KDM2A: variants seen among roughly 807,000 people sequenced by gnomAD.
The protein encoded by KDM2A is lysine demethylase 2A.
In KDM2A, 3 loss-of-function variants were observed where a neutral mutation model predicts 137.3. The observed-to-expected ratio is 0.02, with a 90% CI of 0.01 to 0.06. KDM2A has a LOEUF of 0.06. Among genes scored for constraint, KDM2A ranks in the 10% least tolerant of loss-of-function variants. The pLI is 1.00. For synonymous variants in KDM2A, 512 were observed against 541.5 expected (o/e 0.95, Z 0.76); for missense variants, 738 against 1,510.6 (o/e 0.49, Z 8.48).
rs754987680 is a variant in KDM2A at position 67,254,359 on chromosome 11, A to G, written c.3248A>G (p.Asn1083Ser). 5 of 1,613,788 alleles carry G rather than the reference A, an allele frequency of 3.1e-6. No homozygotes were observed. Among genetic ancestry groups the G allele is most frequent in the African/African-American group, 2.7e-5 (2 of 74,890 alleles). The change falls in exon 20 of 21, where the codon AAT becomes AGT. Residue 1083 changes from asparagine (N) to serine (S), a missense_variant. Physicochemically the swap from Asn to Ser is conservative, Grantham distance 46. Coordinates refer to ENST00000529006, the MANE Select transcript of KDM2A (RefSeq NM_012308.3). This position sits in a 1 kb window ranked among gnomAD's most constrained non-coding sequence, Gnocchi z 4.7. ...HCSHLTDQSS[N>S]LLTAVGSSTR... ...AGCCACCTTACAGATCAGTCCTCCA[A>G]TCTACTCACTGCTGTCGGGTCTTCC...
rs1859565034 is a variant in KDM2A at position 67,255,312 on chromosome 11, C to T, written c.*257C>T. 9.6e-6 allele frequency: 5 copies of T among 522,754 alleles called. No homozygotes were observed. In the Admixed American group the frequency reaches 1.2e-4, roughly 12 times the overall value. 32.4% of individuals were successfully genotyped at this position (522,754 alleles called of 1,614,324 possible). On this transcript the variant is annotated 3_prime_UTR_variant, in exon 21 of 21. Transcript: ENST00000529006. ...GAAAGCACAGGCTGTGCTGTCGAGG[C>T]GCCTGCTCGCTTACTCGCCTGCCAG... is the stretch of plus-strand genomic sequence containing the variant.
intron 2 of KDM2A, among the ~76,000 whole-genome samples, chr11:67,174,246 A>G (rs1856933202): frequency 6.6e-6 from 1 of 152,192 alleles, no homozygotes; most frequent in Non-Finnish European, 1.5e-5. Context: ...CGACAGAGTA[A>G]GACTCTGTCT....
intron 2 of KDM2A, among the ~76,000 whole-genome samples, chr11:67,166,254 G>A (rs1359573231): frequency 4.1e-5 from 6 of 145,702 alleles, no homozygotes; most frequent in East Asian, 2.0e-4. Flanking sequence ...GTGTGATCTC[G>A]GCTCACTGTA....
At chr11:67,209,298 T>A (rs1187632913) in intron 6 of KDM2A, among the ~76,000 whole-genome samples, 3 of 151,932 alleles carry the variant, frequency 2.0e-5, no homozygotes, top group Non-Finnish European at 2.9e-5. Context: ...GGAAGACAGG[T>A]GGTTAGAATT....
chr11:67,250,337 G>C lies in KDM2A; in HGVS notation c.2307G>C (p.Glu769Asp), dbSNP rs759083799. The part of the protein sequence containing the change: ...RRQLLRLQAT[E>D]RTMVREKENN... ...AGTTGCTGCGGCTGCAGGCCACAGA[G>C]CGCACCATGGTACGGGAAAAGGAGA... The change falls in exon 17 of 21, where the codon GAG (glutamate) becomes GAC (aspartate). Residue 769 changes from glutamate to aspartate, a missense_variant. Transcript: ENST00000529006. This position sits in a 1 kb window ranked among gnomAD's most constrained non-coding sequence, Gnocchi z 7.1. The C allele has an allele frequency of 6.2e-7, 1 of 1,613,864 alleles. No individual in the cohort carries two copies. The highest frequency in any genetic ancestry group is 1.3e-5 in the African/African-American group (1 of 74,948).
intron 5 of KDM2A, among the ~76,000 whole-genome samples, chr11:67,202,737 C>T (rs1424134713): frequency 1.3e-5 from 2 of 149,400 alleles, no homozygotes; most frequent in African/African-American, 4.9e-5. Flanking sequence ...GATCGCGCCA[C>T]TACGCTCCAG....
chr11:67,167,443 GGT>G (rs1856770918), intron 2 of KDM2A, among the ~76,000 whole-genome samples: 2 of 152,052 alleles, frequency 1.3e-5, no homozygotes, highest in South Asian at 4.2e-4. Flanking sequence ...GCTTGTTTGT[GGT>G]CAGGGTAAGT....
At chr11:67,133,880 G>C (rs564190899) in intron 2 of KDM2A, among the ~76,000 whole-genome samples, 2 of 151,426 alleles carry the variant, frequency 1.3e-5, no homozygotes, top group Non-Finnish European at 1.5e-5. Flanking sequence ...TTTTAGTAGA[G>C]ACAGGGTTTC....
intron 10 of KDM2A, among the ~76,000 whole-genome samples, chr11:67,221,135 CTT>C: frequency 6.6e-6 from 1 of 151,996 alleles, no homozygotes; most frequent in Non-Finnish European, 1.5e-5. Context: ...AGAATGAGAG[CTT>C]ATTTTTTAGC....
chr11:67,142,061 C>T lies in KDM2A; in HGVS notation c.42+20703C>T, dbSNP rs553690536. The stretch of plus-strand genomic sequence containing the variant: ...TTCATTCATTCATTCATTTTTGAGA[C>T]GGAGTCTTGCTGTGTCGTCCAGGCT... On this transcript the variant is annotated intron_variant, in intron 2 of 20. Coordinates refer to ENST00000529006, the MANE Select transcript of KDM2A (RefSeq NM_012308.3). Among the ~76,000 whole-genome samples, 65 of 151,934 alleles carry T rather than the reference C, an allele frequency of 4.3e-4. 1 individual carries two copies. The highest frequency in any genetic ancestry group is 3.4e-3 in the Middle Eastern group (1 of 294).
intron 10 of KDM2A, among the ~76,000 whole-genome samples, chr11:67,224,672 T>C (rs1438954764): frequency 6.6e-6 from 1 of 151,380 alleles, no homozygotes; most frequent in Non-Finnish European, 1.5e-5. Context: ...TTCACTGTGT[T>C]AGCCAGGATG....
intron 2 of KDM2A, among the ~76,000 whole-genome samples, chr11:67,164,440 A>G (rs1224244249): frequency 6.6e-6 from 1 of 152,090 alleles, no homozygotes; most frequent in Non-Finnish European, 1.5e-5. Flanking sequence ...GCTTGTGTAT[A>G]ACTGTTCATT....
At chr11:67,163,452 T>C (rs901663892) in intron 2 of KDM2A, among the ~76,000 whole-genome samples, 1 of 152,170 alleles carries the variant, frequency 6.6e-6, no homozygotes, top group Non-Finnish European at 1.5e-5. Flanking sequence ...AAGAAGGACA[T>C]TTAATGCCAT....
intron 12 of KDM2A, chr11:67,240,268 T>A: frequency 6.5e-7 from 1 of 1,535,566 alleles, no homozygotes; most frequent in Non-Finnish European, 8.7e-7. Flanking sequence ...AGGCAGAATA[T>A]CTAACTCCTT....
chr11:67,164,333 T>G (rs1856695327), intron 2 of KDM2A, among the ~76,000 whole-genome samples: 1 of 152,214 alleles, frequency 6.6e-6, no homozygotes, highest in Admixed American at 6.6e-5. Flanking sequence ...TTTAGCTTGA[T>G]TGAAGATGAT....
intron 6 of KDM2A, among the ~76,000 whole-genome samples, chr11:67,208,496 C>T (rs913134700): frequency 4.6e-5 from 7 of 151,866 alleles, no homozygotes; most frequent in Non-Finnish European, 8.8e-5. Flanking sequence ...TGGGGCCAGG[C>T]GCAGTGGCTC....
intron 10 of KDM2A, among the ~76,000 whole-genome samples, chr11:67,225,468 T>A (rs1314541500): frequency 1.3e-5 from 2 of 151,388 alleles, no homozygotes; most frequent in Non-Finnish European, 2.9e-5. Context: ...AAACCCCGTC[T>A]CTACTAAAAA....
chr11:67,249,440 C>G (rs1859341194), intron 16 of KDM2A, among the ~76,000 whole-genome samples: 1 of 152,178 alleles, frequency 6.6e-6, no homozygotes, highest in African/African-American at 2.4e-5. Context: ...TGCAAAAAAC[C>G]TGAACTACTG....
At chr11:67,123,079 T>C (rs1483223853) in intron 2 of KDM2A, among the ~76,000 whole-genome samples, 2 of 151,732 alleles carry the variant, frequency 1.3e-5, no homozygotes, top group Admixed American at 1.3e-4. Flanking sequence ...CAAGCAATCT[T>C]CCATTCCAGC....
Sources: allele counts gnomAD v4.1 joint callset (sites outside exome capture counted in the v4.1 genomes callset), GRCh38; gene constraint gnomAD v4.1.1; non-coding constraint Gnocchi (gnomAD v3.1); transcripts MANE v1.5; gene names NCBI Gene and HGNC (gene_info 2026-07-23, HGNC 2026-07-21).